APP: variants seen among roughly 807,000 people sequenced by gnomAD.
APP encodes amyloid-beta precursor protein.
Under a neutral mutation model 101.4 loss-of-function variants are expected in APP, and 31 were observed. The ratio of observed to expected loss-of-function variants is 0.31; its 90% CI spans 0.23 to 0.41. The LOEUF (loss-of-function observed/expected upper bound fraction) is 0.41, where lower values mean the gene tolerates loss of function less well. APP is among the 10% of genes least tolerant of loss of function. The pLI is 1.00. For synonymous variants in APP, 366 were observed against 364.4 expected, an observed-to-expected ratio of 1.00 and a Z score of -0.05; for missense variants, 839 against 1,003.7, an observed-to-expected ratio of 0.84 and a Z score of 2.22.
intron 1 of APP, among the ~76,000 whole-genome samples, chr21:26,149,211 CTT>C (rs2063213169): frequency 6.6e-6 from 1 of 152,164 alleles, no homozygotes; most frequent in African/African-American, 2.4e-5. Context: ...TGGCTGAACT[CTT>C]TGACTTATTT....
At chr21:25,891,985 A>T in intron 16 of APP, 117 bp from the exon 17 acceptor site, 1 of 1,097,230 alleles carries the variant, frequency 9.1e-7, no homozygotes, top group Non-Finnish European at 1.3e-6. Flanking sequence ...GGATGAGGTT[A>T]TATAAAAAGT....
At chr21:26,020,423 CTT>C (rs1383211128) in intron 6 of APP, among the ~76,000 whole-genome samples, 3 of 151,970 alleles carry the variant, frequency 2.0e-5, no homozygotes, top group Non-Finnish European at 2.9e-5. Flanking sequence ...GCAAATGAAA[CTT>C]ATATGTAAAT....
chr21:25,897,068 G>A (rs889178449), intron 16 of APP, among the ~76,000 whole-genome samples: 1 of 152,060 alleles, frequency 6.6e-6, no homozygotes, highest in African/African-American at 2.4e-5. Flanking sequence ...TTTAAGTCCC[G>A]AGTCATGCAC....
intron 13 of APP, among the ~76,000 whole-genome samples, chr21:25,940,527 G>A (rs1293580766): frequency 1.3e-5 from 2 of 152,048 alleles, no homozygotes; most frequent in African/African-American, 4.8e-5. Flanking sequence ...ATTTTCATTG[G>A]TATTAATAAT....
At chr21:26,025,637 C>A in intron 5 of APP, among the ~76,000 whole-genome samples, 1 of 152,282 alleles carries the variant, frequency 6.6e-6, no homozygotes, top group Middle Eastern at 3.4e-3. Flanking sequence ...TTAGTGTGAT[C>A]TGCATTCTGG....
intron 9 of APP, 32 bp from the exon 10 acceptor site, chr21:25,976,060 T>C (rs766281384): frequency 6.5e-7 from 1 of 1,531,532 alleles, no homozygotes; most frequent in South Asian, 1.1e-5. Context: ...GAATTTAAAA[T>C]CATCAGTTCA....
chr21:26,069,638 T>C (rs1319237238), intron 3 of APP, among the ~76,000 whole-genome samples: 13 of 152,322 alleles, frequency 8.5e-5, no homozygotes, highest in African/African-American at 3.1e-4. Flanking sequence ...ACCACCCCAC[T>C]GTGCTCTTCA....
At chr21:26,062,687 A>AATAAATAAATAT (rs1204174207) in intron 3 of APP, among the ~76,000 whole-genome samples, 1 of 151,416 alleles carries the variant, frequency 6.6e-6, no homozygotes, top group Non-Finnish European at 1.5e-5. Context: ...TAAATAAATA[A>AATAAATAAATAT]ATAAATATTT....
intron 6 of APP, among the ~76,000 whole-genome samples, chr21:26,008,281 C>T (rs1321179066): frequency 2.0e-5 from 3 of 152,176 alleles, no homozygotes; most frequent in Middle Eastern, 3.2e-3. Flanking sequence ...ACTCCCGTGA[C>T]GGTGTTAGGG....
intron 8 of APP, among the ~76,000 whole-genome samples, chr21:25,995,267 A>G (rs2146656403): frequency 6.6e-6 from 1 of 152,354 alleles, no homozygotes; most frequent in African/African-American, 2.4e-5. Context: ...AAAGAATGGG[A>G]AAGACATTTA....
intron 17 of APP, among the ~76,000 whole-genome samples, chr21:25,888,691 AT>A (rs2037499274): frequency 6.6e-6 from 1 of 152,210 alleles, no homozygotes; most frequent in Non-Finnish European, 1.5e-5. Context: ...TGGCTTAAAA[AT>A]TAATGTCAGA....
chr21:26,112,181 A>G lies in APP; in HGVS notation c.58-35T>C, dbSNP rs374679239. The G allele has an allele frequency of 2.4e-5, 39 of 1,609,256 alleles. No individual in the cohort carries two copies. In the African/African-American group the frequency reaches 4.5e-4, roughly 19 times the overall value. ...GAAGCTTCAGTTAGTTATAGTATCC[A>G]TAGCTCCAAGGCAGAGGCTTGGAGG... On this transcript the variant is annotated intron_variant, in intron 1 of 17. Coordinates refer to ENST00000346798, the MANE Select transcript of APP (RefSeq NM_000484.4).
chr21:25,898,245 G>A (rs534032641), intron 15 of APP, among the ~76,000 whole-genome samples: 40 of 152,226 alleles, frequency 2.6e-4, no homozygotes, highest in African/African-American at 7.2e-4. Context: ...TAATTGGTTC[G>A]TCTGCTGAAT....
At chr21:25,918,136 T>C (rs936867280) in intron 13 of APP, among the ~76,000 whole-genome samples, 2 of 152,198 alleles carry the variant, frequency 1.3e-5, no homozygotes, top group African/African-American at 2.4e-5. Context: ...TGCAAGGATA[T>C]AGAACTAGAA....
intron 9 of APP, among the ~76,000 whole-genome samples, chr21:25,979,758 CA>C (rs138180734): frequency 0.02 from 2,944 of 150,784 alleles, 89 homozygotes; most frequent in African/African-American, 0.068. Context: ...TTAATAAGGT[CA>C]AAAATGAACA....
chr21:25,909,778 G>A (rs1485644954), intron 14 of APP, among the ~76,000 whole-genome samples: 1 of 152,158 alleles, frequency 6.6e-6, no homozygotes, highest in Non-Finnish European at 1.5e-5. Flanking sequence ...TACCTGTAAA[G>A]AAACAAAACA....
chr21:25,954,768 T>C, intron 12 of APP, 79 bp from the exon 13 acceptor site: 1 of 1,301,446 alleles, frequency 7.7e-7, no homozygotes, highest in Non-Finnish European at 1.1e-6. Context: ...TTTTCTTTTT[T>C]TTTTGAGACG....
In APP at chr21:26,053,464, A is replaced by G. The variant is rs527414240; in HGVS notation, c.356-116T>C. On this transcript the variant is annotated intron_variant, in intron 3 of 17. Transcript: ENST00000346798. ...AAGTTAAACAGCCTTTTAATGCCTAAGCAACCCAATCAAGACCCTACTACC... is the reference window on the plus strand; with the variant it reads ...AAGTTAAACAGCCTTTTAATGCCTAGGCAACCCAATCAAGACCCTACTACC... 5.2e-6 allele frequency: 4 copies of G among 774,290 alleles called. No homozygotes were observed. In the Admixed American group the frequency reaches 5.8e-5, roughly 11 times the overall value. 48.0% of individuals were successfully genotyped at this position (774,290 alleles called of 1,614,324 possible).
intron 1 of APP, among the ~76,000 whole-genome samples, chr21:26,162,263 C>T (rs1467313963): frequency 6.6e-6 from 1 of 152,174 alleles, no homozygotes; most frequent in African/African-American, 2.4e-5. Context: ...CAGGAGGCCA[C>T]GGCTACAGAT....
Sources: gnomAD v4.1 joint callset for allele counts (sites outside exome capture counted in the v4.1 genomes callset) on GRCh38, gnomAD v4.1.1 for gene constraint, MANE v1.5 for transcripts, NCBI Gene and HGNC (gene_info 2026-07-23, HGNC 2026-07-21) for gene names.